MAST2: variants seen among roughly 807,000 people sequenced by gnomAD.
The protein encoded by MAST2 is microtubule associated serine/threonine kinase 2.
MAST2 carries 70 observed loss-of-function variants against 147.4 expected under a neutral mutation model. The observed-to-expected ratio is 0.47, with a 90% CI of 0.39 to 0.58. MAST2 has a LOEUF of 0.58. MAST2 is among the 20% of genes least tolerant of loss of function. The probability of loss-of-function intolerance (pLI) is 0.00; values close to 1 mark genes in which losing one functional copy is unlikely to be tolerated. For synonymous variants in MAST2, 869 were observed against 896.8 expected, an observed-to-expected ratio of 0.97 and a Z score of 0.55; for missense variants, 2,080 against 2,302.3, an observed-to-expected ratio of 0.90 and a Z score of 1.98.
chr1:45,936,515 A>G (rs1287414604), intron 4 of MAST2, among the ~76,000 whole-genome samples: 2 of 151,998 alleles, frequency 1.3e-5, no homozygotes, highest in East Asian at 3.8e-4. Context: ...GGCTCTTATT[A>G]TTTTGAGGTA....
intron 3 of MAST2, chr1:45,847,704 A>G: frequency 6.9e-6 from 2 of 288,570 alleles, no homozygotes; most frequent in South Asian, 1.0e-4. Context: ...ACCCGTGCCA[A>G]ATCCCCCTGG....
chr1:46,020,091 T>G (rs2149280997), intron 11 of MAST2, among the ~76,000 whole-genome samples: 1 of 152,278 alleles, frequency 6.6e-6, no homozygotes, highest in Middle Eastern at 3.4e-3. Flanking sequence ...AAGCACAGTC[T>G]CTGATCTTGG....
chr1:45,854,253 C>A (rs1018872049), intron 3 of MAST2, among the ~76,000 whole-genome samples: 1 of 151,428 alleles, frequency 6.6e-6, no homozygotes, highest in African/African-American at 2.4e-5. Context: ...AGGAGAATCA[C>A]TTGAACCCGG....
intron 5 of MAST2, among the ~76,000 whole-genome samples, chr1:45,975,122 G>C (rs1316494872): frequency 6.6e-6 from 1 of 152,158 alleles, no homozygotes; most frequent in African/African-American, 2.4e-5. Context: ...GCCATCATTT[G>C]AGAGAGCTGC....
At chr1:45,853,775 T>A (rs4660891) in intron 3 of MAST2, among the ~76,000 whole-genome samples, 120,957 of 151,868 alleles carry the variant, frequency 0.8, 48,653 homozygotes, top group East Asian at 0.98. Flanking sequence ...GATGAAGTTC[T>A]GATTGTGTTC....
At chr1:45,999,963 T>C (rs553429095) in intron 6 of MAST2, among the ~76,000 whole-genome samples, 1 of 152,176 alleles carries the variant, frequency 6.6e-6, no homozygotes, top group Non-Finnish European at 1.5e-5. Context: ...CAAACAAATA[T>C]ATGTTTATAA....
intron 4 of MAST2, among the ~76,000 whole-genome samples, chr1:45,893,078 AT>A (rs1284068315): frequency 6.6e-6 from 1 of 152,164 alleles, no homozygotes; most frequent in Non-Finnish European, 1.5e-5. Context: ...ATACATCTAT[AT>A]TTTTATAAAA....
Position 45,958,130 on chromosome 1 carries a change from A to G in MAST2, c.501-1256A>G, listed in dbSNP as rs181246825. 9.9e-5 allele frequency among the ~76,000 whole-genome samples: 15 copies of G among 152,256 alleles called. No homozygotes were observed. In the East Asian group the frequency reaches 2.9e-3, roughly 29 times the overall value. On this transcript the variant is annotated intron_variant, in intron 4 of 28. Transcript: ENST00000361297. ...CATGGTGACTGAGGTAGTTAGGGGTATGGGCATGATTGGATTCCTCCTGAT... is the reference window on the plus strand; with the variant it reads ...CATGGTGACTGAGGTAGTTAGGGGTGTGGGCATGATTGGATTCCTCCTGAT...
chr1:45,859,894 C>G (rs2148056680), intron 3 of MAST2, among the ~76,000 whole-genome samples: 1 of 152,202 alleles, frequency 6.6e-6, no homozygotes, highest in South Asian at 2.1e-4. Context: ...AAACCCTGCT[C>G]TTTCTGTTCT....
chr1:45,882,236 T>A, intron 3 of MAST2, 128 bp from the exon 4 acceptor site: 3 of 569,154 alleles, frequency 5.3e-6, no homozygotes, highest in East Asian at 3.2e-5. Flanking sequence ...AAAGAAAAAG[T>A]TGTTATTTAG....
intron 16 of MAST2, among the ~76,000 whole-genome samples, chr1:46,026,605 C>T (rs1274841898): frequency 6.6e-6 from 1 of 151,906 alleles, no homozygotes; most frequent in Non-Finnish European, 1.5e-5. Context: ...ATACCGAGAC[C>T]AGGGAAAGAC....
intron 4 of MAST2, among the ~76,000 whole-genome samples, chr1:45,889,464 G>A (rs899332617): frequency 6.6e-6 from 1 of 152,122 alleles, no homozygotes; most frequent in Admixed American, 6.5e-5. Context: ...TGAGATTACA[G>A]GTGTGAGCCT....
At chr1:45,869,549 T>G (rs1304340564) in intron 3 of MAST2, among the ~76,000 whole-genome samples, 1 of 152,216 alleles carries the variant, frequency 6.6e-6, no homozygotes, top group Non-Finnish European at 1.5e-5. Context: ...TCAGTCCCCT[T>G]TTGTTTTATC....
chr1:45,849,821 C>G (rs573074542), intron 3 of MAST2, among the ~76,000 whole-genome samples: 1 of 152,272 alleles, frequency 6.6e-6, no homozygotes, highest in South Asian at 2.1e-4. Context: ...CCACTGTGCC[C>G]CGCCCATATT....
At chr1:45,889,909 A>C (rs1647438183) in intron 4 of MAST2, among the ~76,000 whole-genome samples, 1 of 152,112 alleles carries the variant, frequency 6.6e-6, no homozygotes, top group African/African-American at 2.4e-5. Flanking sequence ...GCGCTCCACC[A>C]CGCTGAGCTA....
chr1:45,859,740 G>A (rs1031741314), intron 3 of MAST2, among the ~76,000 whole-genome samples: 2 of 152,208 alleles, frequency 1.3e-5, no homozygotes, highest in African/African-American at 4.8e-5. Flanking sequence ...TTTAGATGCA[G>A]CCTATTCTGA....
In MAST2 at chr1:45,803,634, G is replaced by C; in HGVS notation, c.-262G>C. On this transcript the variant is annotated 5_prime_UTR_variant, in exon 1 of 29. Transcript: ENST00000361297. ...GCTGTAGGCAGGCGGCTGAGCCGGC[G>C]GCGGGTGGCCTGCCCAACGTGTGCT... 4.0e-6 allele frequency: 1 copy of C among 247,402 alleles called. No homozygotes were observed. Among genetic ancestry groups the C allele is most frequent in the Non-Finnish European group, 7.6e-6 (1 of 130,818 alleles). The allele number at this position is 247,402 out of a possible 1,614,324, so 15.3% of individuals were successfully genotyped here.
intron 5 of MAST2, among the ~76,000 whole-genome samples, chr1:45,976,270 C>T (rs575534072): frequency 6.6e-6 from 1 of 152,242 alleles, no homozygotes; most frequent in African/African-American, 2.4e-5. Flanking sequence ...AGCCACCACA[C>T]CCGGGGAAAA....
chr1:45,814,107 C>T (rs1421116502), intron 1 of MAST2, among the ~76,000 whole-genome samples: 1 of 152,196 alleles, frequency 6.6e-6, no homozygotes, highest in Non-Finnish European at 1.5e-5. Flanking sequence ...AGAGTTAGTG[C>T]ATGCACAGCA....
Sources: allele counts gnomAD v4.1 joint callset (sites outside exome capture counted in the v4.1 genomes callset), GRCh38; gene constraint gnomAD v4.1.1; transcripts MANE v1.5; gene names NCBI Gene and HGNC (gene_info 2026-07-23, HGNC 2026-07-21).